SPIN3: variants seen among roughly 807,000 people sequenced by gnomAD.
SPIN3 encodes the protein spindlin family member 3.
For missense variants in SPIN3, 176 were observed against 196.4 expected (o/e 0.90, Z 0.62); for synonymous variants, 74 against 74.3 (o/e 1.00, Z 0.02).
At chrX:56,981,397 G>C (rs1302149297) in intron 3 of SPIN3, 2 of 109,094 alleles carry the variant, frequency 1.8e-5, no homozygotes, top group Admixed American at 2.0e-4. Context: ...AAATTCCGCA[G>C]ATTCAAATGT....
At position 56,994,911 on chromosome X, in the gene SPIN3, G is replaced by A. The variant is rs760818671; in HGVS notation, c.37C>T (p.Arg13Trp). 8.3e-7 allele frequency: 1 copy of A among 1,202,728 alleles called. No homozygotes were observed. Among genetic ancestry groups the A allele is most frequent in the South Asian group, 1.8e-5 (1 of 55,446 alleles). Residue 13 changes from arginine to tryptophan, a missense_variant, in exon 2 of 2, where the codon CGG becomes TGG. Physicochemically the swap from Arg to Trp is moderately radical, Grantham distance 101. Coordinates refer to ENST00000374919, the MANE Select transcript of SPIN3 (RefSeq NM_001010862.3). ...CCGTGGCCAGCGCCCGTCCTGGACCGCTGCCCTGCAGCTGCCTTTCCAAAC... is the reference window on the plus strand; with the variant it reads ...CCGTGGCCAGCGCCCGTCCTGGACCACTGCCCTGCAGCTGCCTTTCCAAAC... Reference protein sequence around the residue: ...TPFGKAAAGQRSRTGAGHGSV... With the variant: ...TPFGKAAAGQWSRTGAGHGSV...
rs2056077869 is a variant in SPIN3, at chrX:56,992,309, A to G, written c.*1862T>C. 1 of 295,008 alleles carries G rather than the reference A, an allele frequency of 3.4e-6. No homozygotes were observed. The highest frequency in any genetic ancestry group is 2.8e-5 in the African/African-American group (1 of 36,276). 24.3% of individuals were successfully genotyped at this position (295,008 alleles called of 1,213,427 possible). On this transcript the variant is annotated 3_prime_UTR_variant, in exon 2 of 2. Coordinates refer to ENST00000374919, the MANE Select transcript of SPIN3 (RefSeq NM_001010862.3). Reference sequence around the variant, plus strand: ...CAAGAAGACATAAGATTATCACAATATCAACCTCACATCAAAAAAATTAGA... The same window carrying G: ...CAAGAAGACATAAGATTATCACAATGTCAACCTCACATCAAAAAAATTAGA...
At chrX:56,989,820 T>G (rs760666437), downstream of SPIN3, among the ~76,000 whole-genome samples, 2 of 111,803 alleles carry the variant, frequency 1.8e-5, no homozygotes, top group Non-Finnish European at 3.8e-5. Context: ...ACAGTCTAGT[T>G]GCAGGAAAAC....
downstream of SPIN3, among the ~76,000 whole-genome samples, chrX:56,989,626 C>G (rs190904182): frequency 1.6e-4 from 18 of 111,571 alleles, no homozygotes; most frequent in Non-Finnish European, 2.5e-4. Flanking sequence ...GTGTTTATAG[C>G]TGCTCCCCAT....
rs1924343245 is a variant in SPIN3, at chrX:56,991,759, C to A, written c.*2412G>T. ...CAGTTGTTTTTGCCCCCAAGAGGCT[C>A]TGAAATAAGTCAAAATAGAACAGTA... On this transcript the variant is annotated 3_prime_UTR_variant, in exon 2 of 2. Coordinates refer to ENST00000374919, the MANE Select transcript of SPIN3 (RefSeq NM_001010862.3). 7.8e-6 allele frequency: 1 copy of A among 127,960 alleles called. No homozygotes were observed. Among genetic ancestry groups the A allele is most frequent in the Admixed American group, 9.0e-5 (1 of 11,109 alleles). The allele number at this position is 127,960 out of a possible 1,213,427, so 10.5% of individuals were successfully genotyped here. A position where few individuals can be genotyped will look rare whatever the true frequency, so the allele number is the denominator to read the frequency against.
intron 1 of SPIN3, 90 bp from the exon 2 acceptor site, chrX:56,995,039 C>A (rs1924460013): frequency 3.1e-6 from 3 of 983,367 alleles, no homozygotes; most frequent in African/African-American, 2.0e-5. Flanking sequence ...TCCTAATCAG[C>A]GCACCCAGTA....
At chrX:56,983,310 C>T (rs770169622) in intron 3 of SPIN3, among the ~76,000 whole-genome samples, 7 of 111,473 alleles carry the variant, frequency 6.3e-5, no homozygotes, top group Non-Finnish European at 1.3e-4. Context: ...GTGCAGGGTA[C>T]TCACATTTTA....
intron 5 of SPIN3, chrX:56,977,531 G>A (rs1177139538): frequency 1.8e-5 from 2 of 111,949 alleles, no homozygotes; most frequent in Admixed American, 9.5e-5. Flanking sequence ...ATGTACAGGT[G>A]TATATATGCG....
At chrX:56,979,454 G>A (rs746884108) in intron 3 of SPIN3, 48 of 111,973 alleles carry the variant, frequency 4.3e-4, no homozygotes, top group African/African-American at 1.5e-3. Flanking sequence ...CAGTAAAAAG[G>A]AAAGTACACT....
downstream of SPIN3, chrX:56,976,326 C>T (rs1009652183): frequency 1.8e-5 from 2 of 111,669 alleles, no homozygotes; most frequent in African/African-American, 6.5e-5. Context: ...GTGATTGGTA[C>T]AGGGATATTT....
At chrX:56,977,707 T>A in intron 5 of SPIN3, 1 of 112,156 alleles carries the variant, frequency 8.9e-6, no homozygotes, top group Admixed American at 9.4e-5. Context: ...TAACAGGTGA[T>A]TGGAACATGA....
At chrX:56,986,854 G>A (rs1392141375), downstream of SPIN3, among the ~76,000 whole-genome samples, 4 of 112,106 alleles carry the variant, frequency 3.6e-5, no homozygotes, top group East Asian at 2.8e-4. Flanking sequence ...ATTTAAGGCC[G>A]GGCATGGTGG....
Position 56,995,333 on chromosome X carries a change from C to T in SPIN3, c.-120G>A. On this transcript the variant is annotated 5_prime_UTR_variant, in exon 1 of 2. Coordinates refer to ENST00000374919, the MANE Select transcript of SPIN3 (RefSeq NM_001010862.3). ...TGGAGGAGGAAAATCAGCGGGCGAG[C>T]AGCCCGGTGCTTGCAAAAGCTGGGA... 6.4e-6 allele frequency: 1 copy of T among 157,145 alleles called. No individual in the cohort carries two copies. 13.0% of individuals were successfully genotyped at this position (157,145 alleles called of 1,213,427 possible).
chrX:56,987,972 G>A (rs780563855), downstream of SPIN3, among the ~76,000 whole-genome samples: 101 of 111,846 alleles, frequency 9.0e-4, no homozygotes, highest in African/African-American at 3.1e-3. Flanking sequence ...TACATGCTAA[G>A]GATATAGTTT....
chrX:56,986,902 C>A (rs768306775), downstream of SPIN3, among the ~76,000 whole-genome samples: 1 of 112,212 alleles, frequency 8.9e-6, no homozygotes, highest in African/African-American at 3.2e-5. Flanking sequence ...GAGGCTGAGG[C>A]AGGCGGATCA....
At position 56,994,420 on chromosome X, in the gene SPIN3, C is replaced by A; in HGVS notation, c.528G>T (p.Gln176His). 9.1e-6 allele frequency: 11 copies of A among 1,211,480 alleles called. No homozygotes were observed. Among genetic ancestry groups the A allele is most frequent in the Non-Finnish European group, 1.2e-5 (11 of 895,408 alleles). Residue 176 changes from glutamine to histidine, a missense_variant, in exon 2 of 2, where the codon CAG (glutamine) becomes CAT (histidine). Coordinates refer to ENST00000374919, the MANE Select transcript of SPIN3 (RefSeq NM_001010862.3). Reference protein sequence around the residue: ...YEKDPVLYMYQLLDDYKDGDL... With the variant: ...YEKDPVLYMYHLLDDYKDGDL... ...CACCATCTTTATAATCATCTAAGAG[C>A]TGGTACATATATAATACAGGATCTT...
At position 56,993,966 on chromosome X, in the gene SPIN3, T is replaced by C. The variant is rs1172071863; in HGVS notation, c.*205A>G. On this transcript the variant is annotated 3_prime_UTR_variant, in exon 2 of 2. Coordinates refer to ENST00000374919, the MANE Select transcript of SPIN3 (RefSeq NM_001010862.3). Reference sequence around the variant, plus strand: ...TTACCCTTCTCACTAATCAGTTAAATTGCGGAGAGGAACCAGTGAAAAGGT... The same window carrying C: ...TTACCCTTCTCACTAATCAGTTAAACTGCGGAGAGGAACCAGTGAAAAGGT... 2.5e-6 allele frequency: 1 copy of C among 395,857 alleles called. No homozygotes were observed. The highest frequency in any genetic ancestry group is 2.5e-5 in the African/African-American group (1 of 39,880). The allele number at this position is 395,857 out of a possible 1,213,427, so 32.6% of individuals were successfully genotyped here.
At position 56,992,020 on chromosome X, in the gene SPIN3, G is replaced by T; in HGVS notation, c.*2151C>A. The T allele has an allele frequency of 3.4e-6, 1 of 295,852 alleles. No homozygotes were observed. Among genetic ancestry groups the T allele is most frequent in the South Asian group, 2.1e-4 (1 of 4,798 alleles). The allele number at this position is 295,852 out of a possible 1,213,427, so 24.4% of individuals were successfully genotyped here. ...CACCCCATCAACTATTAAACTCCAA[G>T]GGAAAAAGGACTGCCCAAAATTAAA... On this transcript the variant is annotated 3_prime_UTR_variant, in exon 2 of 2. Transcript: ENST00000374919.
At chrX:56,987,071 C>T (rs1036503734), downstream of SPIN3, among the ~76,000 whole-genome samples, 4 of 111,934 alleles carry the variant, frequency 3.6e-5, no homozygotes, top group Non-Finnish European at 5.6e-5. Flanking sequence ...GTGGAGGTTG[C>T]GGTGAGCCGA....
Sources: allele counts gnomAD v4.1 joint callset (sites outside exome capture counted in the v4.1 genomes callset), GRCh38; gene constraint gnomAD v4.1.1; transcripts MANE v1.5; gene names NCBI Gene and HGNC (gene_info 2026-07-23, HGNC 2026-07-21).